CNTN4: variants seen among roughly 807,000 people sequenced by gnomAD.
The protein encoded by CNTN4 is contactin 4.
Under a neutral mutation model 122.5 loss-of-function variants are expected in CNTN4, and 77 were observed. The observed-to-expected ratio is 0.63, with a 90% CI of 0.52 to 0.76. The LOEUF (loss-of-function observed/expected upper bound fraction) is 0.76, where lower values mean the gene tolerates loss of function less well. Ranked by LOEUF, CNTN4 falls within the 30% of genes least tolerant of loss-of-function variation. The probability of loss-of-function intolerance (pLI) is 0.00; values close to 1 mark genes in which losing one functional copy is unlikely to be tolerated. For synonymous variants in CNTN4, 512 were observed against 447.0 expected (o/e 1.15, Z -1.83); for missense variants, 1,256 against 1,259.1 (o/e 1.00, Z 0.04).
chr3:2,896,147 G>A (rs552412973), intron 10 of CNTN4, among the ~76,000 whole-genome samples: 1 of 152,260 alleles, frequency 6.6e-6, no homozygotes, highest in African/African-American at 2.4e-5. Context: ...TCCCCAGACT[G>A]CATTTCCAAA....
intron 3 of CNTN4, among the ~76,000 whole-genome samples, chr3:2,356,000 G>C (rs2044856160): frequency 6.6e-6 from 1 of 152,048 alleles, no homozygotes; most frequent in Non-Finnish European, 1.5e-5. Flanking sequence ...TTGTTGCCTG[G>C]GTGCTTTTTA....
intron 3 of CNTN4, among the ~76,000 whole-genome samples, chr3:2,458,543 A>T (rs1019377073): frequency 2.0e-5 from 3 of 152,236 alleles, no homozygotes; most frequent in Admixed American, 6.5e-5. Context: ...CTCTTATGAG[A>T]TGTTGATAGA....
At chr3:2,922,736 C>T (rs1411115791) in intron 12 of CNTN4, among the ~76,000 whole-genome samples, 1 of 151,666 alleles carries the variant, frequency 6.6e-6, no homozygotes. Flanking sequence ...CCTCAGCCTC[C>T]CCAGTAGTTG....
intron 3 of CNTN4, among the ~76,000 whole-genome samples, chr3:2,554,781 G>A (rs866646097): frequency 2.0e-5 from 3 of 152,074 alleles, no homozygotes; most frequent in African/African-American, 7.2e-5. Context: ...TGGCATTTAG[G>A]CCATAATTTG....
chr3:2,328,802 T>C (rs978680804), intron 2 of CNTN4, among the ~76,000 whole-genome samples: 1 of 152,182 alleles, frequency 6.6e-6, no homozygotes, highest in Non-Finnish European at 1.5e-5. Flanking sequence ...AGGAGTCACA[T>C]GTAAATACGA....
At chr3:2,980,016 C>G (rs371824859) in intron 13 of CNTN4, among the ~76,000 whole-genome samples, 3 of 152,246 alleles carry the variant, frequency 2.0e-5, no homozygotes, top group African/African-American at 7.2e-5. Context: ...AAGAAAAGAT[C>G]AGCATTTTTA....
chr3:2,999,519 C>T (rs917823859), intron 14 of CNTN4, among the ~76,000 whole-genome samples: 5 of 152,044 alleles, frequency 3.3e-5, no homozygotes, highest in African/African-American at 1.2e-4. Flanking sequence ...GATCAAGGTG[C>T]TGGCAGGTTT....
chr3:2,134,398 A>G (rs959309766), intron 2 of CNTN4, among the ~76,000 whole-genome samples: 6 of 152,182 alleles, frequency 3.9e-5, no homozygotes, highest in Admixed American at 2.6e-4. Flanking sequence ...AGACAGGTTG[A>G]TGGATGATAG....
At chr3:2,925,380 G>A (rs879725802) in intron 12 of CNTN4, among the ~76,000 whole-genome samples, 2 of 151,830 alleles carry the variant, frequency 1.3e-5, no homozygotes, top group African/African-American at 2.4e-5. Flanking sequence ...ATGGTGAAAC[G>A]CCATCACTAC....
intron 14 of CNTN4, among the ~76,000 whole-genome samples, chr3:2,997,265 A>T (rs895565914): frequency 6.6e-6 from 1 of 152,194 alleles, no homozygotes; most frequent in Non-Finnish European, 1.5e-5. Flanking sequence ...TTTGTCATGT[A>T]GACTGGTTTT....
rs1575519716 is a variant in CNTN4 at position 2,385,555 on chromosome 3, G to A, written c.-89+46322G>A. Among the ~76,000 whole-genome samples the A allele has an allele frequency of 6.6e-6, 1 of 152,158 alleles. No individual in the cohort carries two copies. Among genetic ancestry groups the A allele is most frequent in the East Asian group, 1.9e-4 (1 of 5,156 alleles). ...CTAGAGGCCAGAAGTCCAAAATCAGGTGTTGGTAGGGCTGTGCTCCGTCTG... is the reference window on the plus strand; with the variant it reads ...CTAGAGGCCAGAAGTCCAAAATCAGATGTTGGTAGGGCTGTGCTCCGTCTG... On this transcript the variant is annotated intron_variant, in intron 3 of 24. Transcript: ENST00000418658. This position sits in a 1 kb window ranked among gnomAD's most constrained non-coding sequence, Gnocchi z 4.0.
chr3:2,178,964 A>G (rs1359160031), intron 2 of CNTN4, among the ~76,000 whole-genome samples: 2 of 152,170 alleles, frequency 1.3e-5, no homozygotes, highest in Non-Finnish European at 2.9e-5. Context: ...TGAGTAAAGT[A>G]GATTTATGAT....
At chr3:2,637,181 A>T (rs2150085741) in intron 4 of CNTN4, among the ~76,000 whole-genome samples, 1 of 151,996 alleles carries the variant, frequency 6.6e-6, no homozygotes, top group South Asian at 2.1e-4. Context: ...GGCTCAAGTG[A>T]TCTGCCTGCT....
At chr3:3,024,908 G>A (rs1042489336) in intron 14 of CNTN4, among the ~76,000 whole-genome samples, 13 of 152,100 alleles carry the variant, frequency 8.5e-5, no homozygotes, top group Non-Finnish European at 1.5e-4. Context: ...ATGCAATCCC[G>A]CGACTATGGG....
At chr3:2,472,139 G>A (rs1385060846) in intron 3 of CNTN4, among the ~76,000 whole-genome samples, 9 of 146,012 alleles carry the variant, frequency 6.2e-5, no homozygotes, top group East Asian at 6.0e-4. Flanking sequence ...TGCAACAAGA[G>A]CGAAATTCCA....
At chr3:2,142,555 C>T (rs1259047259) in intron 2 of CNTN4, among the ~76,000 whole-genome samples, 1 of 151,992 alleles carries the variant, frequency 6.6e-6, no homozygotes, top group Non-Finnish European at 1.5e-5. Flanking sequence ...TAGAGATGGG[C>T]TGGTCTCGAC....
chr3:2,779,633 T>G (rs1214210457), intron 6 of CNTN4, among the ~76,000 whole-genome samples: 2 of 152,260 alleles, frequency 1.3e-5, no homozygotes, highest in African/African-American at 2.4e-5. Context: ...TGATGAACTT[T>G]GTGTAAGTCA....
intron 3 of CNTN4, among the ~76,000 whole-genome samples, chr3:2,390,759 C>T (rs757071677): frequency 1.3e-5 from 2 of 151,998 alleles, no homozygotes; most frequent in Admixed American, 6.5e-5. Context: ...ATAATGTTGA[C>T]CATATAACCG....
chr3:2,125,862 GA>G (rs2034115250), intron 2 of CNTN4, among the ~76,000 whole-genome samples: 1 of 150,572 alleles, frequency 6.6e-6, no homozygotes, highest in Middle Eastern at 3.2e-3. Flanking sequence ...GGCCTTCTAT[GA>G]AGATTTATAA....
Sources: gnomAD v4.1 joint callset for allele counts (sites outside exome capture counted in the v4.1 genomes callset) on GRCh38, gnomAD v4.1.1 for gene constraint, Gnocchi (gnomAD v3.1) non-coding constraint, MANE v1.5 for transcripts, NCBI Gene and HGNC (gene_info 2026-07-23, HGNC 2026-07-21) for gene names.